Variants in VWA3B observed in about 807,000 individuals in gnomAD.
The protein encoded by VWA3B is von Willebrand factor A domain-containing protein 3B.
In VWA3B, 138 loss-of-function variants were observed where a neutral mutation model predicts 158.3. The ratio of observed to expected loss-of-function variants is 0.87; its 90% CI spans 0.76 to 1.00. The LOEUF (loss-of-function observed/expected upper bound fraction) is 1.00. Among genes scored for constraint, VWA3B ranks in the 50% least tolerant of loss-of-function variants. The pLI is 0.00. For synonymous variants in VWA3B, 596 were observed against 587.3 expected (o/e 1.01, Z -0.21); for missense variants, 1,555 against 1,565.1 (o/e 0.99, Z 0.11).
intron 12 of VWA3B, 44 bp from the exon 13 acceptor site, chr2:98,211,886 T>C (rs774557651): frequency 6.5e-7 from 1 of 1,536,174 alleles, no homozygotes; most frequent in African/African-American, 1.4e-5. Flanking sequence ...TGTGAATTCT[T>C]TTTTGGGATT....
intron 19 of VWA3B, among the ~76,000 whole-genome samples, chr2:98,241,491 G>A (rs1686069267): frequency 6.6e-6 from 1 of 151,872 alleles, no homozygotes; most frequent in Non-Finnish European, 1.5e-5. Context: ...GGAACCAGTA[G>A]GCTGTGTGGC....
At chr2:98,267,256 AG>A (rs1463544479) in intron 21 of VWA3B, among the ~76,000 whole-genome samples, 1 of 151,882 alleles carries the variant, frequency 6.6e-6, no homozygotes, top group African/African-American at 2.4e-5. Flanking sequence ...TTTAGCATGA[AG>A]GGTTGTTGAA....
intron 13 of VWA3B, chr2:98,217,092 T>G: frequency 7.0e-6 from 5 of 715,332 alleles, no homozygotes; most frequent in Non-Finnish European, 9.9e-6. Flanking sequence ...TTCCCCTCAA[T>G]GGCAGAGGGA....
intron 9 of VWA3B, among the ~76,000 whole-genome samples, chr2:98,184,785 C>T (rs1680880324): frequency 6.6e-6 from 1 of 152,212 alleles, no homozygotes; most frequent in Non-Finnish European, 1.5e-5. Flanking sequence ...GACCTGTGGA[C>T]CTGGGGTGGG....
chr2:98,154,865 C>T (rs1224179279), intron 7 of VWA3B, among the ~76,000 whole-genome samples: 1 of 152,154 alleles, frequency 6.6e-6, no homozygotes, highest in Non-Finnish European at 1.5e-5. Flanking sequence ...TTCACATTTA[C>T]TATTGCAAAG....
At chr2:98,307,864 G>A (rs1404398761) in intron 26 of VWA3B, among the ~76,000 whole-genome samples, 2 of 152,098 alleles carry the variant, frequency 1.3e-5, no homozygotes, top group East Asian at 3.9e-4. Flanking sequence ...TGCTTGCAGG[G>A]TAAAGCAAGG....
intron 7 of VWA3B, among the ~76,000 whole-genome samples, chr2:98,147,956 G>A (rs374130493): frequency 2.7e-4 from 40 of 150,492 alleles, no homozygotes; most frequent in Admixed American, 8.7e-4. Context: ...GAGAACATGC[G>A]GTGTTTGGTT....
intron 6 of VWA3B, among the ~76,000 whole-genome samples, chr2:98,129,511 A>T (rs984800708): frequency 6.6e-6 from 1 of 152,162 alleles, no homozygotes; most frequent in African/African-American, 2.4e-5. Flanking sequence ...CACATTGGGA[A>T]TTAGGGCTTC....
intron 22 of VWA3B, among the ~76,000 whole-genome samples, chr2:98,274,594 G>A (rs1427327710): frequency 6.6e-6 from 1 of 152,206 alleles, no homozygotes; most frequent in Non-Finnish European, 1.5e-5. Context: ...AACGTGGCAG[G>A]AGAGACGTTG....
Position 98,236,419 on chromosome 2 carries a change from C to A in VWA3B, c.2458C>A (p.Leu820Met). The change falls in exon 18 of 28, where the codon CTG becomes ATG. Residue 820 changes from leucine (L) to methionine (M), a missense_variant. Leu to Met is a conservative substitution (Grantham distance 15, BLOSUM62 2). Transcript: ENST00000477737. ...EMSILLAEEW[L>M]DDKSSEKVTR... ...GAGCATCTTGCTGGCTGAGGAGTGG[C>A]TGGATGACAAATCGTCAGAAAAGGT... The A allele has an allele frequency of 6.2e-7, 1 of 1,614,178 alleles. No individual in the cohort carries two copies. Among genetic ancestry groups the A allele is most frequent in the South Asian group, 1.1e-5 (1 of 91,078 alleles).
chr2:98,180,086 CTCTTTCTTTCTTTCTT>C (rs57697305), intron 8 of VWA3B, among the ~76,000 whole-genome samples: 1 of 144,322 alleles, frequency 6.9e-6, no homozygotes, highest in Non-Finnish European at 1.5e-5. Flanking sequence ...CTTTCTTTCT[CTCTTTCTTTCTTTCTT>C]TTCTTTCTTT....
chr2:98,227,793 T>TG (rs1235759113), intron 14 of VWA3B, among the ~76,000 whole-genome samples: 1 of 152,142 alleles, frequency 6.6e-6, no homozygotes, highest in African/African-American at 2.4e-5. Flanking sequence ...CAAGGAAATT[T>TG]GGAGGGTGAC....
At position 98,194,425 on chromosome 2, in the gene VWA3B, G is replaced by A. The variant is rs955584764; in HGVS notation, c.1670G>A (p.Arg557Gln). The change falls in exon 12 of 28, where the codon CGG becomes CAG. Residue 557 changes from arginine to glutamine, a missense_variant. By Grantham distance (43) the Arg-to-Gln change is conservative (BLOSUM62 1). Transcript: ENST00000477737. ...VKFDGQAVAW[R>Q]EQLAEVNEDN... Reference sequence around the variant, plus strand: ...TTTGATGGTCAAGCAGTTGCTTGGCGGGAACAACTTGCTGAAGTCAATGAA... The same window carrying A: ...TTTGATGGTCAAGCAGTTGCTTGGCAGGAACAACTTGCTGAAGTCAATGAA... 29 of 1,614,078 alleles carry A rather than the reference G, an allele frequency of 1.8e-5. No homozygotes were observed. In the East Asian group the frequency reaches 3.3e-4, roughly 19 times the overall value.
At chr2:98,144,915 G>A (rs1419040921) in intron 7 of VWA3B, among the ~76,000 whole-genome samples, 1 of 152,236 alleles carries the variant, frequency 6.6e-6, no homozygotes, top group Non-Finnish European at 1.5e-5. Context: ...TGAAAGGACA[G>A]CCTGGCTGCT....
intron 22 of VWA3B, among the ~76,000 whole-genome samples, chr2:98,277,078 C>T (rs1429299576): frequency 6.6e-6 from 1 of 152,204 alleles, no homozygotes; most frequent in African/African-American, 2.4e-5. Context: ...GTTATTCCCA[C>T]CTGCTCTGCC....
rs534639883 is a variant in VWA3B at position 98,096,876 on chromosome 2, T to C, written c.196+3588T>C. 1.2e-4 allele frequency among the ~76,000 whole-genome samples: 18 copies of C among 152,224 alleles called. No homozygotes were observed. The South Asian group carries it at 1.7e-3, about 14-fold the overall frequency. On this transcript the variant is annotated intron_variant, in intron 2 of 27. Coordinates refer to ENST00000477737, the MANE Select transcript of VWA3B (RefSeq NM_144992.5). ...TTCAAGAGACTATCTCTTTGTTTTA[T>C]TGATATTTTTATGTATTTGTATTCT...
the VWA3B span, among the ~76,000 whole-genome samples, chr2:98,324,451 C>T: frequency 6.6e-6 from 1 of 152,158 alleles, no homozygotes; most frequent in Admixed American, 6.5e-5. Flanking sequence ...GTGTGAGTCA[C>T]CACAGCCAGC....
chr2:98,255,180 A>ATTTTTTTTTTTTT lies in VWA3B; in HGVS notation c.2793-943_2793-942insTTTTTTTTTTTTT, dbSNP rs1302034902. On this transcript the variant is annotated intron_variant, in intron 20 of 27. Coordinates refer to ENST00000477737, the MANE Select transcript of VWA3B (RefSeq NM_144992.5). The stretch of plus-strand genomic sequence containing the variant: ...AGTCGCCCGCCACCACGCCCGGCTG[A>ATTTTTTTTTTTTT]TATTTTTTTTTTTTTTTTTTTTTTT... Among the ~76,000 whole-genome samples the ATTTTTTTTTTTTT allele has an allele frequency of 2.1e-4, 14 of 65,926 alleles. 4 individuals carry two copies. The highest frequency in any genetic ancestry group is 9.2e-4 in the African/African-American group (14 of 15,274). The allele number at this position is 65,926 out of a possible 152,430, so 43.3% of individuals were successfully genotyped here.
At chr2:98,252,515 C>T (rs11901562) in intron 20 of VWA3B, among the ~76,000 whole-genome samples, 88,168 of 151,802 alleles carry the variant, frequency 0.58, 26,043 homozygotes, top group South Asian at 0.82. Context: ...CTGCTTGGTT[C>T]TGACACCAGC....
Sources: gnomAD v4.1 joint callset for allele counts (sites outside exome capture counted in the v4.1 genomes callset) on GRCh38, gnomAD v4.1.1 for gene constraint, MANE v1.5 for transcripts, NCBI Gene and HGNC (gene_info 2026-07-23, HGNC 2026-07-21) for gene names.